The following HUNK variants were observed in gnomAD, a reference collection of about 807,000 sequenced individuals.
The protein encoded by HUNK is hormonally up-regulated Neu-associated kinase, also known as hormonally up-regulated neu tumor-associated kinase.
A neutral mutation model predicts 61.0 loss-of-function variants in HUNK; 21 were observed. That is an observed-to-expected ratio of 0.34 (90% CI 0.24 to 0.50). The LOEUF is 0.50. Among genes scored for constraint, HUNK ranks in the 20% least tolerant of loss-of-function variants. HUNK has a pLI of 0.98. For synonymous variants in HUNK, 371 were observed against 386.1 expected (o/e 0.96, Z 0.46); for missense variants, 772 against 945.7 (o/e 0.82, Z 2.41).
intron 4 of HUNK, among the ~76,000 whole-genome samples, chr21:31,956,115 C>T (rs1170501656): frequency 6.6e-6 from 1 of 152,196 alleles, no homozygotes. Flanking sequence ...ACCTGAGGTC[C>T]CAGCCTGGGG....
At chr21:31,994,756 G>A (rs2053191880) in intron 9 of HUNK, among the ~76,000 whole-genome samples, 1 of 152,206 alleles carries the variant, frequency 6.6e-6, no homozygotes, top group African/African-American at 2.4e-5. Flanking sequence ...GTAAGCATCT[G>A]GCTTTATGCC....
At chr21:31,913,237 C>G (rs1164099922) in intron 1 of HUNK, among the ~76,000 whole-genome samples, 1 of 152,066 alleles carries the variant, frequency 6.6e-6, no homozygotes, top group East Asian at 1.9e-4. Context: ...GATGGGGAAG[C>G]AAACTGTAAC....
chr21:31,876,812 A>T (rs1200212451), intron 1 of HUNK, among the ~76,000 whole-genome samples: 2 of 152,074 alleles, frequency 1.3e-5, no homozygotes, highest in African/African-American at 2.4e-5. Context: ...CTATCTATTT[A>T]TTTTTTAAAT....
At chr21:31,969,505 C>T (rs1169105531) in intron 6 of HUNK, among the ~76,000 whole-genome samples, 2 of 152,140 alleles carry the variant, frequency 1.3e-5, no homozygotes, top group African/African-American at 2.4e-5. Context: ...GATGGGCTCC[C>T]TGTGCAGCCC....
chr21:31,953,258 T>C (rs1261733153), intron 4 of HUNK, among the ~76,000 whole-genome samples: 1 of 152,018 alleles, frequency 6.6e-6, no homozygotes, highest in African/African-American at 2.4e-5. Flanking sequence ...TTTTTTTTTT[T>C]TGGGATGGAG....
At chr21:31,934,928 G>A (rs115751684) in intron 2 of HUNK, among the ~76,000 whole-genome samples, 1,648 of 152,202 alleles carry the variant, frequency 0.011, 21 homozygotes, top group African/African-American at 0.038. Context: ...ACCTAGTTTG[G>A]TTACGTGTCT....
intron 9 of HUNK, 85 bp from the exon 10 acceptor site, chr21:31,995,683 A>C (rs750608950): frequency 1.9e-6 from 2 of 1,061,220 alleles, no homozygotes; most frequent in Non-Finnish European, 2.8e-6. Flanking sequence ...AGTTTCTCTA[A>C]TCAGTTTGGA....
chr21:31,915,207 AG>A (rs1363699628), intron 1 of HUNK, among the ~76,000 whole-genome samples: 2 of 152,246 alleles, frequency 1.3e-5, no homozygotes. Flanking sequence ...GTTAGAGATT[AG>A]AGATGTTCAA....
At position 31,974,664 on chromosome 21, in the gene HUNK, A is replaced by G; in HGVS notation, c.1120A>G (p.Ile374Val). 1 of 1,614,068 alleles carries G rather than the reference A, an allele frequency of 6.2e-7. No homozygotes were observed. Among genetic ancestry groups the G allele is most frequent in the Non-Finnish European group, 8.5e-7 (1 of 1,179,988 alleles). The stretch of plus-strand genomic sequence containing the variant: ...TGTGCTCTCCAACCGCGCCTGCCAC[A>G]TCCTGGCCATCTACTTCCTCTTAAA... ...NTVLSNRACH[I>V]LAIYFLLNKK... is the part of the protein sequence containing the mutation. Residue 374 changes from isoleucine to valine, a missense_variant, in exon 7 of 11, where the codon ATC (isoleucine) becomes GTC (valine). Ile to Val is a conservative substitution (Grantham distance 29). Around this residue, in one of 2 missense-constraint regions of HUNK, gnomAD observed 413 missense variants for 444.4 expected, o/e 0.93. Coordinates refer to ENST00000270112, the MANE Select transcript of HUNK (RefSeq NM_014586.2).
rs745584998 is a variant in HUNK at position 31,983,605 on chromosome 21, A to G, written c.1253A>G (p.Tyr418Cys). 43 of 1,611,214 alleles carry G rather than the reference A, an allele frequency of 2.7e-5. No individual in the cohort carries two copies. The East Asian group carries it at 3.3e-4, about 13-fold the overall frequency. Residue 418 changes from tyrosine to cysteine, a missense_variant, in exon 8 of 11, where the codon TAT (tyrosine) becomes TGT (cysteine). Around this residue, in one of 2 missense-constraint regions of HUNK, gnomAD observed 413 missense variants for 444.4 expected, o/e 0.93. Transcript: ENST00000270112. ...IEKYRAPKES[Y>C]EASLDTWTRD... ...AAGTACAGGGCCCCCAAGGAGTCCT[A>G]TGAGGTGAGTGACCCCTGAAGCAAA...
intron 4 of HUNK, among the ~76,000 whole-genome samples, chr21:31,955,264 T>TTTC (rs1431917867): frequency 6.6e-6 from 1 of 151,194 alleles, no homozygotes; most frequent in African/African-American, 2.4e-5. Context: ...AGTGATTTTT[T>TTTC]TTTTTTTGGC....
chr21:31,881,286 C>CA, intron 1 of HUNK, among the ~76,000 whole-genome samples: 1 of 152,296 alleles, frequency 6.6e-6, no homozygotes, highest in African/African-American at 2.4e-5. Context: ...GAGTGGTCAT[C>CA]ATTTCCATGT....
At chr21:31,950,958 G>A (rs950786951) in intron 4 of HUNK, among the ~76,000 whole-genome samples, 5 of 152,090 alleles carry the variant, frequency 3.3e-5, no homozygotes, top group African/African-American at 9.7e-5. Flanking sequence ...AAGAAAATCA[G>A]CCTGTCATTG....
chr21:31,881,589 C>T (rs1056856930), intron 1 of HUNK, among the ~76,000 whole-genome samples: 1 of 152,158 alleles, frequency 6.6e-6, no homozygotes, highest in Non-Finnish European at 1.5e-5. Flanking sequence ...TGCCACTGCA[C>T]TCCAGCCTGG....
At chr21:31,963,214 A>G (rs1248801690) in intron 5 of HUNK, among the ~76,000 whole-genome samples, 1 of 152,190 alleles carries the variant, frequency 6.6e-6, no homozygotes, top group Non-Finnish European at 1.5e-5. Context: ...TTTTTATACA[A>G]TCCTGCAAGG....
rs1222550095 is a variant in HUNK at position 31,962,564 on chromosome 21, A to G, written c.874+3594A>G. On this transcript the variant is annotated intron_variant, in intron 5 of 10. Transcript: ENST00000270112. ...CTGGAATTGCTGTCCAACCTCGCAT[A>G]GCTCCTGCATTGAGCAGACAGCTTT... 5.9e-5 allele frequency among the ~76,000 whole-genome samples: 9 copies of G among 152,230 alleles called. No individual in the cohort carries two copies. The East Asian group carries it at 9.6e-4, about 16-fold the overall frequency.
Position 31,873,595 on chromosome 21 carries a change from C to T in HUNK, c.-80C>T, listed in dbSNP as rs2052231624. On this transcript the variant is annotated 5_prime_UTR_variant, in exon 1 of 11. Transcript: ENST00000270112. The surrounding 1 kb of genome is among the most constrained non-coding windows in gnomAD (Gnocchi z 6.1). ...GGCCCAGGGCGGCGGCGGGAGAAGC[C>T]GGGGAAGCCGAAGAGCCTGGGGAGG... 2 of 969,230 alleles carry T rather than the reference C, an allele frequency of 2.1e-6. No individual in the cohort carries two copies. The highest frequency in any genetic ancestry group is 2.5e-6 in the Non-Finnish European group (2 of 814,982). The allele number at this position is 969,230 out of a possible 1,614,324, so 60.0% of individuals were successfully genotyped here. A position where few individuals can be genotyped will look rare whatever the true frequency, so the allele number is the denominator to read the frequency against.
intron 6 of HUNK, among the ~76,000 whole-genome samples, chr21:31,970,626 C>T (rs1055914857): frequency 2.0e-5 from 3 of 152,128 alleles, no homozygotes; most frequent in Non-Finnish European, 4.4e-5. Flanking sequence ...TCATTAAGCT[C>T]ATGTAATCAC....
chr21:31,991,328 C>T (rs2053170816), intron 9 of HUNK, among the ~76,000 whole-genome samples: 2 of 152,072 alleles, frequency 1.3e-5, no homozygotes, highest in Non-Finnish European at 2.9e-5. Flanking sequence ...AAATGATTCT[C>T]CTGTCTCAAC....
Sources: gnomAD v4.1 joint callset for allele counts (sites outside exome capture counted in the v4.1 genomes callset) on GRCh38, gnomAD v4.1.1 for gene constraint, gnomAD v4.1.1 regional missense constraint, Gnocchi (gnomAD v3.1) non-coding constraint, MANE v1.5 for transcripts, NCBI Gene and HGNC (gene_info 2026-07-23, HGNC 2026-07-21) for gene names.